The following WWOX variants were observed in gnomAD, a reference collection of about 807,000 sequenced individuals.
WWOX encodes the protein WW domain containing oxidoreductase, also known as WW domain-containing oxidoreductase.
WWOX carries 69 observed loss-of-function variants against 46.2 expected under a neutral mutation model. That is an observed-to-expected ratio of 1.49 (90% CI 1.23 to 1.82). WWOX has a LOEUF of 1.82. WWOX is among the 40% of genes most tolerant of loss of function. The pLI is 0.00. For synonymous variants in WWOX, 359 were observed against 202.6 expected (o/e 1.77, Z -6.56); for missense variants, 919 against 542.6 (o/e 1.69, Z -6.89).
chr16:78,307,406 G>A (rs1054277544), intron 5 of WWOX, among the ~76,000 whole-genome samples: 2 of 152,116 alleles, frequency 1.3e-5, no homozygotes, highest in African/African-American at 4.8e-5. Context: ...TGGGCCCTAA[G>A]TACAATTATA....
chr16:78,885,092 A>G (rs1012721335), intron 8 of WWOX, among the ~76,000 whole-genome samples: 1 of 152,100 alleles, frequency 6.6e-6, no homozygotes, highest in African/African-American at 2.4e-5. Context: ...GTCACTGGCA[A>G]CTTCTGAAAT....
intron 8 of WWOX, among the ~76,000 whole-genome samples, chr16:79,070,088 A>G (rs1180351228): frequency 6.6e-6 from 1 of 152,242 alleles, no homozygotes; most frequent in Non-Finnish European, 1.5e-5. Flanking sequence ...CCTCCTCAAG[A>G]CTTATCATTC....
chr16:78,659,551 A>G (rs1219410959), intron 8 of WWOX, among the ~76,000 whole-genome samples: 1 of 152,094 alleles, frequency 6.6e-6, no homozygotes, highest in East Asian at 1.9e-4. Context: ...AGAAAAAAAA[A>G]CCTTTCGAGA....
At chr16:79,004,174 G>A (rs1294614373) in intron 8 of WWOX, 1 of 152,164 alleles carries the variant, frequency 6.6e-6, no homozygotes, top group East Asian at 1.9e-4. Flanking sequence ...AAGACCACTG[G>A]TTTTGTTTGA....
chr16:78,645,942 G>T (rs938767773), intron 8 of WWOX, among the ~76,000 whole-genome samples: 3 of 152,134 alleles, frequency 2.0e-5, no homozygotes, highest in African/African-American at 7.2e-5. Flanking sequence ...CTTAAAACCA[G>T]CAGTGCAGCG....
intron 8 of WWOX, among the ~76,000 whole-genome samples, chr16:79,104,094 A>T (rs1326130257): frequency 6.7e-6 from 1 of 150,166 alleles, no homozygotes; most frequent in African/African-American, 2.4e-5. Context: ...TAAGATAATC[A>T]ACAATTTTTC....
chr16:78,122,194 A>G (rs971062781), intron 4 of WWOX, among the ~76,000 whole-genome samples: 5 of 152,192 alleles, frequency 3.3e-5, no homozygotes, highest in African/African-American at 9.7e-5. Flanking sequence ...GTTTGGTACT[A>G]TCCAGTTTTC....
intron 8 of WWOX, among the ~76,000 whole-genome samples, chr16:78,841,332 AT>A (rs2052143860): frequency 6.6e-6 from 1 of 152,302 alleles, no homozygotes; most frequent in East Asian, 1.9e-4. Flanking sequence ...AGCTGTTTGT[AT>A]TCATGGTGAT....
intron 8 of WWOX, among the ~76,000 whole-genome samples, chr16:78,513,979 A>T (rs1329277650): frequency 1.4e-5 from 2 of 144,930 alleles, no homozygotes; most frequent in Non-Finnish European, 3.0e-5. Flanking sequence ...GGTGTCTGTT[A>T]CAAGTCCTGG....
chr16:78,310,458 A>G lies in WWOX; in HGVS notation c.517-76402A>G, dbSNP rs573656583. On this transcript the variant is annotated intron_variant, in intron 5 of 8. Transcript: ENST00000566780. ...AAGCTAATTTGTTTTCAGCTCTGAG[A>G]GCAAGGCCAAATCACCAGATTGATG... Among the ~76,000 whole-genome samples, 78 of 152,330 alleles carry G rather than the reference A, an allele frequency of 5.1e-4. 1 individual carries two copies. The highest frequency in any genetic ancestry group is 1.8e-3 in the African/African-American group (74 of 41,574).
intron 4 of WWOX, among the ~76,000 whole-genome samples, chr16:78,121,050 A>G (rs1045342443): frequency 1.3e-5 from 2 of 151,660 alleles, no homozygotes; most frequent in Admixed American, 1.3e-4. Context: ...ACATTTAGTC[A>G]TTTTCATGGG....
chr16:78,188,884 T>C (rs1054603696), intron 5 of WWOX, among the ~76,000 whole-genome samples: 1 of 152,154 alleles, frequency 6.6e-6, no homozygotes, highest in Non-Finnish European at 1.5e-5. Flanking sequence ...TGCATTTGAC[T>C]AACAGAAAAG....
intron 8 of WWOX, among the ~76,000 whole-genome samples, chr16:78,457,865 A>G (rs925419419): frequency 2.1e-5 from 3 of 143,738 alleles, no homozygotes; most frequent in Non-Finnish European, 4.5e-5. Flanking sequence ...TCAGTGAGCC[A>G]AGATCGCCCT....
chr16:78,887,075 GTGGTGTGTGTGTGTGTGTGTGT>G (rs1469879384), intron 8 of WWOX, among the ~76,000 whole-genome samples: 4 of 20,896 alleles, frequency 1.9e-4, no homozygotes, highest in Admixed American at 9.9e-4. Flanking sequence ...GTGTGTGTGT[GTGGTGTGTGTGTGTGTGTGTGT>G]GTGTGTGTGT....
At chr16:78,120,494 C>T (rs972713059) in intron 4 of WWOX, among the ~76,000 whole-genome samples, 55 of 151,026 alleles carry the variant, frequency 3.6e-4, no homozygotes, top group South Asian at 8.4e-4. Context: ...GGCGTGAACC[C>T]GGGAAGTGGA....
At chr16:78,321,275 TAA>T (rs1316510611) in intron 5 of WWOX, among the ~76,000 whole-genome samples, 1 of 114,078 alleles carries the variant, frequency 8.8e-6, no homozygotes, top group African/African-American at 3.6e-5. Context: ...CTTAGTTTTT[TAA>T]ATATATATAT....
intron 8 of WWOX, among the ~76,000 whole-genome samples, chr16:78,913,257 C>T (rs1048553122): frequency 3.3e-5 from 5 of 151,986 alleles, no homozygotes; most frequent in Non-Finnish European, 7.4e-5. Context: ...TTCACATAAG[C>T]AGAGGCCCCA....
chr16:78,497,631 T>C (rs74403936), intron 8 of WWOX, among the ~76,000 whole-genome samples: 2,566 of 152,294 alleles, frequency 0.017, 33 homozygotes, highest in Non-Finnish European at 0.027. Flanking sequence ...GATGTAAAAA[T>C]GGCCCTTCCA....
intron 8 of WWOX, among the ~76,000 whole-genome samples, chr16:79,000,651 G>A (rs2047075400): frequency 6.6e-6 from 1 of 152,204 alleles, no homozygotes; most frequent in Non-Finnish European, 1.5e-5. Context: ...ACGAAGCCCT[G>A]CTGACCTTTG....
Sources: gnomAD v4.1 joint callset for allele counts (sites outside exome capture counted in the v4.1 genomes callset) on GRCh38, gnomAD v4.1.1 for gene constraint, MANE v1.5 for transcripts, NCBI Gene and HGNC (gene_info 2026-07-23, HGNC 2026-07-21) for gene names.